Variants in SGCZ observed in about 807,000 individuals in gnomAD.
The protein encoded by SGCZ is zeta-sarcoglycan.
Under a neutral mutation model 41.3 loss-of-function variants are expected in SGCZ, and 40 were observed. That is an observed-to-expected ratio of 0.97 (90% CI 0.75 to 1.26). The LOEUF (loss-of-function observed/expected upper bound fraction) is 1.26, where lower values mean the gene tolerates loss of function less well. Among genes scored for constraint, SGCZ ranks in the 50% most tolerant of loss-of-function variants. The pLI, the probability that SGCZ is intolerant of heterozygous loss-of-function variation, is 0.00. For missense variants in SGCZ, 552 were observed against 369.8 expected (o/e 1.49, Z -4.04); for synonymous variants, 206 against 137.5 (o/e 1.50, Z -3.49).
chr8:14,131,554 T>C (rs6981459), intron 5 of SGCZ, among the ~76,000 whole-genome samples: 3,256 of 152,278 alleles, frequency 0.021, 145 homozygotes, highest in African/African-American at 0.076. Flanking sequence ...TGCTGCTTTA[T>C]ACATTCCCTT....
intron 2 of SGCZ, among the ~76,000 whole-genome samples, chr8:14,362,176 T>C (rs1803542419): frequency 6.6e-6 from 1 of 152,160 alleles, no homozygotes; most frequent in African/African-American, 2.4e-5. Flanking sequence ...TGTCCATTAT[T>C]GATGTTCGCA....
chr8:14,321,908 G>C (rs919040672), intron 3 of SGCZ, among the ~76,000 whole-genome samples: 2 of 152,072 alleles, frequency 1.3e-5, no homozygotes, highest in African/African-American at 2.4e-5. Context: ...TAAGCACTTT[G>C]ATAACTTTCT....
At chr8:14,802,120 T>A (rs866964285) in intron 1 of SGCZ, among the ~76,000 whole-genome samples, 9 of 152,122 alleles carry the variant, frequency 5.9e-5, no homozygotes, top group Non-Finnish European at 1.2e-4. Flanking sequence ...AGCCAGAAGG[T>A]TGAAAATCTT....
chr8:14,139,343 C>A (rs1803296551), intron 5 of SGCZ, among the ~76,000 whole-genome samples: 1 of 152,212 alleles, frequency 6.6e-6, no homozygotes, highest in Admixed American at 6.5e-5. Flanking sequence ...TAACTAAGAT[C>A]AGAGCAGAGC....
intron 1 of SGCZ, among the ~76,000 whole-genome samples, chr8:15,156,057 C>CAAAAAAAAAAAAAAA (rs67378130): frequency 1.8e-5 from 2 of 110,904 alleles, no homozygotes; most frequent in South Asian, 3.1e-4. Context: ...GATTCCCTCT[C>CAAAAAAAAAAAAAAA]AAAAAAAAAA....
At chr8:15,102,699 G>C (rs912819070) in intron 1 of SGCZ, among the ~76,000 whole-genome samples, 1 of 152,102 alleles carries the variant, frequency 6.6e-6, no homozygotes, top group Non-Finnish European at 1.5e-5. Context: ...ATATTCTATT[G>C]TAAAAAAATT....
At chr8:14,834,325 T>A (rs907698842) in intron 1 of SGCZ, among the ~76,000 whole-genome samples, 21 of 152,226 alleles carry the variant, frequency 1.4e-4, no homozygotes, top group African/African-American at 4.8e-4. Flanking sequence ...TTCTTTTATC[T>A]CTTTGCAAAA....
At chr8:15,088,956 A>T (rs1189995431) in intron 1 of SGCZ, among the ~76,000 whole-genome samples, 1 of 152,190 alleles carries the variant, frequency 6.6e-6, no homozygotes, top group Non-Finnish European at 1.5e-5. Context: ...GACGTCACGT[A>T]GTCATAGGTG....
chr8:15,143,619 A>C (rs953800317), intron 1 of SGCZ, among the ~76,000 whole-genome samples: 2 of 152,182 alleles, frequency 1.3e-5, no homozygotes, highest in Admixed American at 1.3e-4. Context: ...CCCATCTATT[A>C]ACACATCTCC....
intron 1 of SGCZ, among the ~76,000 whole-genome samples, chr8:14,697,541 C>T (rs141985841): frequency 6.6e-6 from 1 of 152,152 alleles, no homozygotes; most frequent in African/African-American, 2.4e-5. Context: ...ACTTGTTCTG[C>T]TGATTATCGG....
At chr8:14,384,361 C>T (rs185945687) in intron 2 of SGCZ, among the ~76,000 whole-genome samples, 44 of 152,074 alleles carry the variant, frequency 2.9e-4, no homozygotes, top group Admixed American at 2.9e-3. Flanking sequence ...AGATTTGGAA[C>T]CAACCCAAAT....
chr8:14,616,009 C>T (rs1265059583), intron 1 of SGCZ, among the ~76,000 whole-genome samples: 1 of 152,048 alleles, frequency 6.6e-6, no homozygotes, highest in Admixed American at 6.5e-5. Context: ...CTGGGCTGGG[C>T]GCAGTGGCTC....
intron 1 of SGCZ, among the ~76,000 whole-genome samples, chr8:14,976,026 AT>A (rs1459853304): frequency 1.5e-3 from 208 of 143,242 alleles, no homozygotes; most frequent in Middle Eastern, 3.7e-3. Flanking sequence ...ACACATATAT[AT>A]TTTTTTTTTT....
intron 1 of SGCZ, among the ~76,000 whole-genome samples, chr8:14,650,520 A>T (rs1299308625): frequency 6.6e-6 from 1 of 151,866 alleles, no homozygotes; most frequent in Non-Finnish European, 1.5e-5. Flanking sequence ...CCTGACCCTA[A>T]GGTAGGCCCC....
At chr8:14,956,617 G>A (rs993491754) in intron 1 of SGCZ, among the ~76,000 whole-genome samples, 5 of 151,610 alleles carry the variant, frequency 3.3e-5, no homozygotes, top group African/African-American at 1.2e-4. Context: ...ATCACAAAAA[G>A]TACCAAAAGC....
At chr8:14,725,039 C>T (rs1329264722) in intron 1 of SGCZ, among the ~76,000 whole-genome samples, 3 of 152,142 alleles carry the variant, frequency 2.0e-5, no homozygotes, top group African/African-American at 7.2e-5. Context: ...CATCATTCTA[C>T]TCTCTATCTC....
intron 6 of SGCZ, 66 bp downstream of exon 6, chr8:14,108,097 C>A: frequency 7.2e-7 from 1 of 1,391,486 alleles, no homozygotes; most frequent in South Asian, 1.2e-5. Flanking sequence ...TATTTTAGTT[C>A]TTCATATATT....
chr8:14,115,015 TAAATA>T, intron 5 of SGCZ, among the ~76,000 whole-genome samples: 1 of 151,986 alleles, frequency 6.6e-6, no homozygotes, highest in Non-Finnish European at 1.5e-5. Flanking sequence ...AAATTGTACA[TAAATA>T]ATCCATTTTC....
At chr8:14,438,656 T>A (rs898217148) in intron 2 of SGCZ, among the ~76,000 whole-genome samples, 7 of 152,066 alleles carry the variant, frequency 4.6e-5, no homozygotes, top group Admixed American at 2.6e-4. Context: ...TGTATTAAAA[T>A]GTAAACCAGT....
Sources: allele counts gnomAD v4.1 joint callset (sites outside exome capture counted in the v4.1 genomes callset), GRCh38; gene constraint gnomAD v4.1.1; transcripts MANE v1.5; gene names NCBI Gene and HGNC (gene_info 2026-07-23, HGNC 2026-07-21).